Variants in EIF4A2 observed in about 807,000 individuals in gnomAD.
The protein encoded by EIF4A2 is eukaryotic translation initiation factor 4A2, also known as eukaryotic initiation factor 4A-II.
Under a neutral mutation model 50.6 loss-of-function variants are expected in EIF4A2, and 9 were observed. The ratio of observed to expected loss-of-function variants is 0.18; its 90% confidence interval spans 0.11 to 0.31. The LOEUF (loss-of-function observed/expected upper bound fraction) is 0.31. EIF4A2 is among the 10% of genes least tolerant of loss of function. EIF4A2 has a pLI of 1.00. For synonymous variants in EIF4A2, 215 were observed against 164.4 expected (o/e 1.31, Z -2.35); for missense variants, 182 against 501.8 (o/e 0.36, Z 6.09).
rs748000437 is a variant in EIF4A2 at position 186,787,826 on chromosome 3, A to G, written c.1023A>G (p.Gln341=). 3 of 1,613,984 alleles carry G rather than the reference A, an allele frequency of 1.9e-6. No homozygotes were observed. Among genetic ancestry groups the G allele is most frequent in the South Asian group, 1.1e-5 (1 of 91,078 alleles). The change falls in exon 10 of 11, where the codon CAA becomes CAG. Residue 341 remains glutamine (Q), a synonymous_variant. Coordinates refer to ENST00000323963, the MANE Select transcript of EIF4A2 (RefSeq NM_001967.4). ...AGGCTCGCGGGATTGATGTGCAACA[A>G]GTGTCTTTGGTTATAAATTATGATC... ...DLLARGIDVQ[Q]VSLVINYDLP... is the part of the protein sequence containing the mutation.
At position 186,788,373 on chromosome 3, in the gene EIF4A2, G is replaced by A. The variant is rs1184625549; in HGVS notation, c.1079+491G>A. 18 of 1,289,398 alleles carry A rather than the reference G, an allele frequency of 1.4e-5. No individual in the cohort carries two copies. The African/African-American group carries it at 2.1e-4, about 15-fold the overall frequency. The allele number at this position is 1,289,398 out of a possible 1,614,324, so 79.9% of individuals were successfully genotyped here. A position where few individuals can be genotyped will look rare whatever the true frequency, so the allele number is the denominator to read the frequency against. On this transcript the variant is annotated intron_variant, in intron 10 of 10. Transcript: ENST00000323963. Reference sequence around the variant, plus strand: ...AAACGGCGTTGACGTAATTTAGGACGTGGAATCATAAGCGAAACAGCACAC... The same window carrying A: ...AAACGGCGTTGACGTAATTTAGGACATGGAATCATAAGCGAAACAGCACAC...
chr3:186,787,989 T>C (rs912341820), intron 10 of EIF4A2, 107 bp downstream of exon 10: 8 of 1,163,384 alleles, frequency 6.9e-6, no homozygotes, highest in African/African-American at 1.5e-5. Context: ...GTAAAGTCAG[T>C]AGTGTTCAGT....
rs777415634 is a variant in EIF4A2 at position 186,789,103 on chromosome 3, T to C, written c.1080-22T>C. 5 of 1,610,220 alleles carry C rather than the reference T, an allele frequency of 3.1e-6. No homozygotes were observed. In the South Asian group the frequency reaches 4.4e-5, roughly 14 times the overall value. On this transcript the variant is annotated intron_variant, in intron 10 of 10. Coordinates refer to ENST00000323963, the MANE Select transcript of EIF4A2 (RefSeq NM_001967.4). ...TTATACATTATGTGAGAAGTAACGT[T>C]CTGATTCTTTTTCTTACACAGAATT... is the stretch of plus-strand genomic sequence containing the variant.
At chr3:186,786,782 A>G in intron 7 of EIF4A2, 137 bp downstream of exon 7, 1 of 1,232,932 alleles carries the variant, frequency 8.1e-7, no homozygotes, top group Non-Finnish European at 1.2e-6. Context: ...ACAGCACTAG[A>G]TTGTAAAGAC....
intron 10 of EIF4A2, 43 bp from the exon 11 acceptor site, chr3:186,789,082 A>G: frequency 6.2e-7 from 1 of 1,600,400 alleles, no homozygotes; most frequent in Non-Finnish European, 8.5e-7. Flanking sequence ...AGTAGTTTAT[A>G]CATTATGTGA....
chr3:186,786,790 G>GA, intron 7 of EIF4A2, 145 bp downstream of exon 7: 1 of 1,120,180 alleles, frequency 8.9e-7, no homozygotes, highest in South Asian at 1.2e-5. Context: ...AGATTGTAAA[G>GA]ACTGGGGTGG....
chr3:186,789,229 C>T lies in EIF4A2; in HGVS notation c.1184C>T (p.Thr395Ile), dbSNP rs199556041. Reference protein sequence around the residue: ...LRDIETFYNTTVEEMPMNVAD... With the variant: ...LRDIETFYNTIVEEMPMNVAD... ...GACATTGAGACTTTCTACAATACTA[C>T]AGTGGAGGAGATGCCCATGAATGTG... The change falls in exon 11 of 11, where the codon ACA becomes ATA. Residue 395 changes from threonine to isoleucine, a missense_variant. Transcript: ENST00000323963. 3 of 1,612,156 alleles carry T rather than the reference C, an allele frequency of 1.9e-6. No individual in the cohort carries two copies. The highest frequency in any genetic ancestry group is 2.5e-6 in the Non-Finnish European group (3 of 1,179,474).
intron 4 of EIF4A2, 138 bp downstream of exon 4, chr3:186,785,239 T>A: frequency 1.5e-6 from 2 of 1,330,164 alleles, no homozygotes; most frequent in Non-Finnish European, 2.0e-6. Flanking sequence ...GCAGGGAGTT[T>A]TTGTTGAAAG....
At chr3:186,787,613 T>G in intron 9 of EIF4A2, 29 bp downstream of exon 9, 1 of 1,613,632 alleles carries the variant, frequency 6.2e-7, no homozygotes. Context: ...TTTAAAAATC[T>G]ACCAAAAGTT....
rs1367005858 is a variant in EIF4A2 at position 186,789,590 on chromosome 3, T to C, written c.*321T>C. ...TCTCTATCATTTAATAATATACTTGTGGACTAAAAGATATAAGTGCTGTAT... is the reference window on the plus strand; with the variant it reads ...TCTCTATCATTTAATAATATACTTGCGGACTAAAAGATATAAGTGCTGTAT... On this transcript the variant is annotated 3_prime_UTR_variant, in exon 11 of 11. Transcript: ENST00000323963. 3.0e-6 allele frequency: 1 copy of C among 331,544 alleles called. No individual in the cohort carries two copies. Among genetic ancestry groups the C allele is most frequent in the African/African-American group, 2.1e-5 (1 of 47,324 alleles). The allele number at this position is 331,544 out of a possible 1,614,324, so 20.5% of individuals were successfully genotyped here.
intron 1 of EIF4A2, chr3:186,784,010 C>T (rs1721529773): frequency 2.4e-6 from 1 of 425,234 alleles, no homozygotes; most frequent in East Asian, 4.4e-5. Flanking sequence ...GGGGGAGGGT[C>T]CTAGGCTTTA....
intron 6 of EIF4A2, 83 bp downstream of exon 6, chr3:186,786,356 T>C (rs1403341847): frequency 1.3e-6 from 2 of 1,519,512 alleles, no homozygotes; most frequent in Non-Finnish European, 1.8e-6. Context: ...CTGATGTGTT[T>C]TGTTGTCGTT....
chr3:186,786,859 AC>A, intron 7 of EIF4A2: 1 of 881,104 alleles, frequency 1.1e-6, no homozygotes, highest in South Asian at 1.3e-5. Context: ...ATCTCATTAG[AC>A]CTAACAGAAT....
At chr3:186,787,708 A>C (rs375630370) in intron 9 of EIF4A2, 95 bp from the exon 10 acceptor site, 76 of 1,587,008 alleles carry the variant, frequency 4.8e-5, no homozygotes, top group Non-Finnish European at 6.1e-5. Context: ...ACAGTGGGCT[A>C]TACCACTTAG....
At chr3:186,785,712 G>A (rs2108457053) in intron 4 of EIF4A2, 171 bp from the exon 5 acceptor site, 1 of 762,812 alleles carries the variant, frequency 1.3e-6, no homozygotes, top group Non-Finnish European at 2.0e-6. Context: ...AGACATTAAG[G>A]GAATTTTACC....
chr3:186,788,418 T>G, intron 10 of EIF4A2: 1 of 1,258,716 alleles, frequency 7.9e-7, no homozygotes, highest in Non-Finnish European at 1.0e-6. Context: ...AAAGAGCGAG[T>G]CGGTATTTAT....
In EIF4A2 at chr3:186,789,485, G is replaced by A. The variant is rs918456084; in HGVS notation, c.*216G>A. On this transcript the variant is annotated 3_prime_UTR_variant, in exon 11 of 11. Coordinates refer to ENST00000323963, the MANE Select transcript of EIF4A2 (RefSeq NM_001967.4). ...CTTTAGAGTTAGACTGTTGGGGTGGGTATAAAAGATGGGGTCTGTAAAATC... is the reference window on the plus strand; with the variant it reads ...CTTTAGAGTTAGACTGTTGGGGTGGATATAAAAGATGGGGTCTGTAAAATC... 8.3e-5 allele frequency: 40 copies of A among 484,072 alleles called. No individual in the cohort carries two copies. The highest frequency in any genetic ancestry group is 7.4e-4 in the African/African-American group (37 of 49,714). 30.0% of individuals were successfully genotyped at this position (484,072 alleles called of 1,614,324 possible). A position where few individuals can be genotyped will look rare whatever the true frequency, so the allele number is the denominator to read the frequency against.
At chr3:186,783,780 C>T in intron 1 of EIF4A2, 141 bp downstream of exon 1, 1 of 1,348,628 alleles carries the variant, frequency 7.4e-7, no homozygotes, top group East Asian at 2.3e-5. Flanking sequence ...CTTCCAGAAG[C>T]TTCCATGATG....
chr3:186,788,357 T>C (rs1721894269), intron 10 of EIF4A2: 1 of 1,289,998 alleles, frequency 7.8e-7, no homozygotes, highest in Non-Finnish European at 1.0e-6. Context: ...GAAACGGCGT[T>C]GACGTAATTT....
Sources: allele counts gnomAD v4.1 joint callset, GRCh38; gene constraint gnomAD v4.1.1; transcripts MANE v1.5; gene names NCBI Gene and HGNC (gene_info 2026-07-23, HGNC 2026-07-21).